BAIAP2L1: variants seen among roughly 807,000 people sequenced by gnomAD.
The protein encoded by BAIAP2L1 is BAR/IMD domain-containing adapter protein 2-like 1.
A neutral mutation model predicts 66.3 loss-of-function variants in BAIAP2L1; 35 were observed. The ratio of observed to expected loss-of-function variants is 0.53; its 90% CI spans 0.40 to 0.70. The LOEUF (loss-of-function observed/expected upper bound fraction) is 0.70. BAIAP2L1 is among the 30% of genes least tolerant of loss of function. The probability of loss-of-function intolerance (pLI) is 0.00; values close to 1 mark genes in which losing one functional copy is unlikely to be tolerated. For missense variants in BAIAP2L1, 622 were observed against 656.9 expected (o/e 0.95, Z 0.58); for synonymous variants, 269 against 248.7 (o/e 1.08, Z -0.77).
intron 3 of BAIAP2L1, among the ~76,000 whole-genome samples, chr7:98,349,639 G>C (rs894249791): frequency 6.6e-6 from 1 of 151,836 alleles, no homozygotes; most frequent in African/African-American, 2.4e-5. Flanking sequence ...TTGGGAGGCC[G>C]AGGCAGGTGG....
intron 2 of BAIAP2L1, among the ~76,000 whole-genome samples, chr7:98,359,750 T>G (rs893273848): frequency 1.4e-5 from 2 of 146,614 alleles, no homozygotes; most frequent in African/African-American, 4.9e-5. Context: ...CCTGGGTTTT[T>G]TTTTTTTTTT....
At chr7:98,388,987 A>AC (rs141061986) in intron 1 of BAIAP2L1, among the ~76,000 whole-genome samples, 56,319 of 150,038 alleles carry the variant, frequency 0.38, 11,735 homozygotes, top group Middle Eastern at 0.54. Flanking sequence ...AAAAAAAACA[A>AC]AAAACAAACC....
At chr7:98,385,672 C>T (rs182522088) in intron 1 of BAIAP2L1, 319 of 791,126 alleles carry the variant, frequency 4.0e-4, no homozygotes, top group Non-Finnish European at 4.2e-4. Context: ...CTTCAGCCTC[C>T]CAAAGTGCTG....
At chr7:98,306,303 C>T (rs1050490801) in intron 11 of BAIAP2L1, 136 bp downstream of exon 11, 8 of 1,045,932 alleles carry the variant, frequency 7.6e-6, no homozygotes, top group Admixed American at 6.0e-5. Flanking sequence ...CTGTGAGCCG[C>T]GGTCTCATCT....
chr7:98,324,411 C>T (rs571487367), intron 3 of BAIAP2L1, among the ~76,000 whole-genome samples: 1 of 152,258 alleles, frequency 6.6e-6, no homozygotes, highest in Non-Finnish European at 1.5e-5. Flanking sequence ...TGGTATCACT[C>T]TGATTTTAGA....
chr7:98,320,445 C>T (rs1801211582), intron 3 of BAIAP2L1, 147 bp from the exon 4 acceptor site: 2 of 630,290 alleles, frequency 3.2e-6, no homozygotes, highest in Admixed American at 3.1e-5. Context: ...AAACTATTCT[C>T]CTGCCTCAGC....
intron 1 of BAIAP2L1, among the ~76,000 whole-genome samples, chr7:98,383,939 A>G (rs1014596037): frequency 1.3e-5 from 2 of 152,044 alleles, no homozygotes; most frequent in African/African-American, 4.8e-5. Context: ...AGATCACCTG[A>G]GGTCAGGAGT....
intron 11 of BAIAP2L1, 65 bp downstream of exon 11, chr7:98,306,374 G>A: frequency 6.4e-7 from 1 of 1,574,550 alleles, no homozygotes; most frequent in Non-Finnish European, 8.7e-7. Context: ...AGATGGTGGT[G>A]TGTTACAGAA....
chr7:98,393,120 T>TGTATATATGTACACAC (rs1251347579), intron 1 of BAIAP2L1, among the ~76,000 whole-genome samples: 1 of 85,560 alleles, frequency 1.2e-5, no homozygotes, highest in African/African-American at 4.5e-5. Flanking sequence ...TGTACACATA[T>TGTATATATGTACACAC]ATGTATATAT....
At chr7:98,384,102 C>A (rs957333914) in intron 1 of BAIAP2L1, among the ~76,000 whole-genome samples, 2 of 149,826 alleles carry the variant, frequency 1.3e-5, no homozygotes, top group Non-Finnish European at 3.0e-5. Context: ...TGCAGTGAGC[C>A]GAGATCGCAC....
Position 98,392,259 on chromosome 7 carries a change from C to T in BAIAP2L1, c.51+8543G>A, listed in dbSNP as rs1317278660. ...CTAAGGGAGGCTGAGGCAGGAGAAT[C>T]GCTTGAACCTGGGAGGCGGAGGTTG... is the stretch of plus-strand genomic sequence containing the variant. On this transcript the variant is annotated intron_variant, in intron 1 of 13. Coordinates refer to ENST00000005260, the MANE Select transcript of BAIAP2L1 (RefSeq NM_018842.5). Among the ~76,000 whole-genome samples, 6 of 151,060 alleles carry T rather than the reference C, an allele frequency of 4.0e-5. No individual in the cohort carries two copies. In the East Asian group the frequency reaches 7.7e-4, roughly 19 times the overall value.
chr7:98,384,539 G>A (rs577347964), intron 1 of BAIAP2L1, among the ~76,000 whole-genome samples: 117 of 152,196 alleles, frequency 7.7e-4, no homozygotes, highest in African/African-American at 2.5e-3. Flanking sequence ...TGTTTAGAAA[G>A]CCCCAGAGCA....
chr7:98,342,429 C>T (rs970474623), intron 3 of BAIAP2L1, among the ~76,000 whole-genome samples: 23 of 152,058 alleles, frequency 1.5e-4, no homozygotes, highest in African/African-American at 5.6e-4. Flanking sequence ...CAAGACAAAT[C>T]TATAATGTAG....
chr7:98,337,517 A>C (rs1318443328), intron 3 of BAIAP2L1, among the ~76,000 whole-genome samples: 2 of 152,240 alleles, frequency 1.3e-5, no homozygotes, highest in African/African-American at 4.8e-5. Flanking sequence ...ACAGTTGAGG[A>C]GAATAAGGCA....
chr7:98,349,323 C>T (rs115764737), intron 3 of BAIAP2L1, among the ~76,000 whole-genome samples: 481 of 152,270 alleles, frequency 3.2e-3, no homozygotes, highest in African/African-American at 0.011. Flanking sequence ...TCCGGAGACC[C>T]GTGTTTCTGT....
intron 11 of BAIAP2L1, among the ~76,000 whole-genome samples, chr7:98,305,607 A>G (rs1214994170): frequency 6.6e-6 from 1 of 151,972 alleles, no homozygotes; most frequent in Non-Finnish European, 1.5e-5. Context: ...TTTTTTGTAG[A>G]GATGGGGATC....
chr7:98,375,742 C>CAAAAAAAAAAAAAA (rs372282399), intron 1 of BAIAP2L1, among the ~76,000 whole-genome samples: 1 of 59,078 alleles, frequency 1.7e-5, no homozygotes, highest in African/African-American at 7.2e-5. Flanking sequence ...AAGTCCATCT[C>CAAAAAAAAAAAAAA]AAAAAAAAAA....
intron 2 of BAIAP2L1, chr7:98,355,444 C>T (rs1394129935): frequency 6.1e-6 from 2 of 325,730 alleles, no homozygotes; most frequent in Non-Finnish European, 1.2e-5. Context: ...TAACGTTGAA[C>T]TAGGGCTTTG....
At chr7:98,302,612 G>A (rs1562964979) in intron 12 of BAIAP2L1, among the ~76,000 whole-genome samples, 1 of 152,062 alleles carries the variant, frequency 6.6e-6, no homozygotes. Context: ...GACACCAACA[G>A]CAAAATCCAG....
Sources: allele counts gnomAD v4.1 joint callset (sites outside exome capture counted in the v4.1 genomes callset), GRCh38; gene constraint gnomAD v4.1.1; transcripts MANE v1.5; gene names NCBI Gene and HGNC (gene_info 2026-07-23, HGNC 2026-07-21).